HS6ST3: variants seen among roughly 807,000 people sequenced by gnomAD.
HS6ST3 encodes heparan sulfate 6-O-sulfotransferase 3.
A neutral mutation model predicts 36.7 loss-of-function variants in HS6ST3; 12 were observed. That is an observed-to-expected ratio of 0.33 (90% confidence interval 0.21 to 0.53). HS6ST3 has a LOEUF of 0.53. Ranked by LOEUF, HS6ST3 falls within the 20% of genes least tolerant of loss-of-function variation. HS6ST3 has a pLI of 0.95. For synonymous variants in HS6ST3, 240 were observed against 257.5 expected (o/e 0.93, Z 0.65); for missense variants, 584 against 640.9 (o/e 0.91, Z 0.96).
intron 1 of HS6ST3, among the ~76,000 whole-genome samples, chr13:96,582,574 C>T (rs2056345843): frequency 6.6e-6 from 1 of 152,102 alleles, no homozygotes; most frequent in Non-Finnish European, 1.5e-5. Flanking sequence ...CATGGAGATA[C>T]TGGAGGGATA....
intron 1 of HS6ST3, among the ~76,000 whole-genome samples, chr13:96,165,155 CT>C (rs1031361962): frequency 2.6e-5 from 4 of 152,028 alleles, no homozygotes; most frequent in African/African-American, 9.7e-5. Context: ...ACATAATTTT[CT>C]TTTTTTAAAA....
Position 96,322,145 on chromosome 13 carries a change from T to G in HS6ST3, c.707+230576T>G, listed in dbSNP as rs373048768. On this transcript the variant is annotated intron_variant, in intron 1 of 1. Transcript: ENST00000376705. Reference sequence around the variant, plus strand: ...CAATCCCTCAACCTAATTGGTAGTTTCTACCACTCTATCTGTTCAAGAACA... The same window carrying G: ...CAATCCCTCAACCTAATTGGTAGTTGCTACCACTCTATCTGTTCAAGAACA... Among the ~76,000 whole-genome samples the G allele has an allele frequency of 3.3e-5, 5 of 152,286 alleles. No homozygotes were observed. In the East Asian group the frequency reaches 5.8e-4, roughly 18 times the overall value.
At chr13:96,274,267 A>G (rs1319531559) in intron 1 of HS6ST3, among the ~76,000 whole-genome samples, 2 of 151,894 alleles carry the variant, frequency 1.3e-5, no homozygotes. Context: ...CTCTGAATCC[A>G]GTTTCAGAAC....
At chr13:96,254,490 TATATATATACACATACATAC>T (rs1470661346) in intron 1 of HS6ST3, among the ~76,000 whole-genome samples, 1,532 of 27,368 alleles carry the variant, frequency 0.056, 201 homozygotes, top group Admixed American at 0.08. Context: ...TATATATATA[TATATATATACACATACATAC>T]ACACACACAC....
intron 1 of HS6ST3, among the ~76,000 whole-genome samples, chr13:96,677,784 C>A (rs2056703939): frequency 6.6e-6 from 1 of 152,132 alleles, no homozygotes; most frequent in African/African-American, 2.4e-5. Flanking sequence ...CTAGAATTTG[C>A]ATCATCCTAG....
At chr13:96,095,197 T>C (rs1035649095) in intron 1 of HS6ST3, among the ~76,000 whole-genome samples, 7 of 152,252 alleles carry the variant, frequency 4.6e-5, no homozygotes, top group Non-Finnish European at 4.4e-5. Flanking sequence ...CTATGGAAAG[T>C]GCAGTGGAGT....
At chr13:96,119,487 G>A (rs1388748484) in intron 1 of HS6ST3, among the ~76,000 whole-genome samples, 1 of 152,162 alleles carries the variant, frequency 6.6e-6, no homozygotes, top group African/African-American at 2.4e-5. Context: ...TTAGAGTTCA[G>A]GATAGCAAAA....
intron 1 of HS6ST3, among the ~76,000 whole-genome samples, chr13:96,155,339 A>T (rs945780502): frequency 4.0e-5 from 2 of 49,564 alleles, no homozygotes; most frequent in Non-Finnish European, 1.1e-4. Context: ...TCTAAATAAA[A>T]TAACAAAAAA....
At chr13:96,761,998 A>AT (rs1876981951) in intron 1 of HS6ST3, among the ~76,000 whole-genome samples, 2 of 152,094 alleles carry the variant, frequency 1.3e-5, no homozygotes, top group African/African-American at 4.8e-5. Flanking sequence ...ATTGTTATAT[A>AT]GACACATATA....
intron 1 of HS6ST3, among the ~76,000 whole-genome samples, chr13:96,199,983 A>C (rs542658391): frequency 1.3e-5 from 2 of 152,174 alleles, no homozygotes; most frequent in African/African-American, 4.8e-5. Context: ...TATTTCTGAC[A>C]CTGAAAATGA....
intron 1 of HS6ST3, among the ~76,000 whole-genome samples, chr13:96,711,943 A>G (rs924688476): frequency 6.6e-6 from 1 of 152,214 alleles, no homozygotes; most frequent in Non-Finnish European, 1.5e-5. Flanking sequence ...TATGGTTGCA[A>G]TAAGTTGAGT....
chr13:96,166,292 G>A (rs1202740538), intron 1 of HS6ST3, among the ~76,000 whole-genome samples: 1 of 151,960 alleles, frequency 6.6e-6, no homozygotes, highest in Non-Finnish European at 1.5e-5. Flanking sequence ...TTATCCAAAG[G>A]AAAAGTAAAC....
At chr13:96,121,584 G>A (rs534157325) in intron 1 of HS6ST3, among the ~76,000 whole-genome samples, 22 of 152,336 alleles carry the variant, frequency 1.4e-4, no homozygotes, top group African/African-American at 5.1e-4. Flanking sequence ...GTTCATAACA[G>A]CAACCATAGG....
At chr13:96,786,828 G>C (rs1338466317) in intron 1 of HS6ST3, among the ~76,000 whole-genome samples, 1 of 151,702 alleles carries the variant, frequency 6.6e-6, no homozygotes, top group Admixed American at 6.6e-5. Flanking sequence ...CCACCACTGA[G>C]ATGCAGAACA....
At chr13:96,498,796 G>A (rs574263538) in intron 1 of HS6ST3, among the ~76,000 whole-genome samples, 9 of 152,142 alleles carry the variant, frequency 5.9e-5, no homozygotes, top group South Asian at 2.1e-4. Context: ...CAGTGTCCCC[G>A]TTCTTATTTG....
At chr13:96,434,273 T>G (rs1415073003) in intron 1 of HS6ST3, among the ~76,000 whole-genome samples, 1 of 152,202 alleles carries the variant, frequency 6.6e-6, no homozygotes, top group Non-Finnish European at 1.5e-5. Flanking sequence ...TTGTGGTGTA[T>G]TATGCCCCTA....
At chr13:96,704,317 G>A (rs1875364301) in intron 1 of HS6ST3, among the ~76,000 whole-genome samples, 1 of 152,104 alleles carries the variant, frequency 6.6e-6, no homozygotes, top group South Asian at 2.1e-4. Flanking sequence ...GAAGTTTTTG[G>A]TTCTCCACAT....
At chr13:96,145,118 G>A (rs1284331453) in intron 1 of HS6ST3, among the ~76,000 whole-genome samples, 1 of 117,840 alleles carries the variant, frequency 8.5e-6, no homozygotes. Flanking sequence ...ACGTGTGCGT[G>A]TGCATGTGTC....
chr13:96,429,351 T>C (rs1475895701), intron 1 of HS6ST3, among the ~76,000 whole-genome samples: 3 of 152,224 alleles, frequency 2.0e-5, no homozygotes, highest in Non-Finnish European at 4.4e-5. Flanking sequence ...GTTAGATATA[T>C]CTGTTTTAAA....
Sources: allele counts gnomAD v4.1 joint callset (sites outside exome capture counted in the v4.1 genomes callset), GRCh38; gene constraint gnomAD v4.1.1; transcripts MANE v1.5; gene names NCBI Gene and HGNC (gene_info 2026-07-23, HGNC 2026-07-21).